FAM91A1: variants seen among roughly 807,000 people sequenced by gnomAD.
FAM91A1 encodes the protein family with sequence similarity 91 member A1.
Under a neutral mutation model 113.5 loss-of-function variants are expected in FAM91A1, and 41 were observed. That is an observed-to-expected ratio of 0.36 (90% CI 0.28 to 0.47). FAM91A1 has a LOEUF of 0.47. Ranked by LOEUF, FAM91A1 falls within the 20% of genes least tolerant of loss-of-function variation. FAM91A1 has a pLI of 1.00. For missense variants in FAM91A1, 696 were observed against 1,001.2 expected (o/e 0.70, Z 4.11); for synonymous variants, 307 against 347.9 (o/e 0.88, Z 1.31).
chr8:123,777,775 A>G (rs1350988910), intron 4 of FAM91A1, among the ~76,000 whole-genome samples: 2 of 152,218 alleles, frequency 1.3e-5, no homozygotes, highest in Non-Finnish European at 2.9e-5. Context: ...TTACATTTTG[A>G]CTTCCTAAAA....
At chr8:123,803,344 C>G (rs1407867951) in intron 18 of FAM91A1, among the ~76,000 whole-genome samples, 1 of 152,000 alleles carries the variant, frequency 6.6e-6, no homozygotes, top group Non-Finnish European at 1.5e-5. Flanking sequence ...CGGTCTCACT[C>G]TGTCACCCAG....
At chr8:123,795,186 G>T (rs1257450299) in intron 15 of FAM91A1, among the ~76,000 whole-genome samples, 1 of 152,122 alleles carries the variant, frequency 6.6e-6, no homozygotes, top group Admixed American at 6.5e-5. Context: ...AAGAGGTTTG[G>T]CTTAAAAAAT....
At position 123,814,186 on chromosome 8, in the gene FAM91A1, T is replaced by TAA. The variant is rs1157698674; in HGVS notation, c.*1483_*1484insAA. The TAA allele has an allele frequency of 6.1e-5, 24 of 391,648 alleles. No homozygotes were observed. Among genetic ancestry groups the TAA allele is most frequent in the Non-Finnish European group, 4.8e-5 (10 of 206,234 alleles). 24.3% of individuals were successfully genotyped at this position (391,648 alleles called of 1,614,324 possible). A position where few individuals can be genotyped will look rare whatever the true frequency, so the allele number is the denominator to read the frequency against. ...TAGAAGGTAGAAACCATGTGTATGT[T>TAA]ATGTTTGTCTATAAAAGAAAAAATA... is the stretch of plus-strand genomic sequence containing the variant. On this transcript the variant is annotated 3_prime_UTR_variant, in exon 24 of 24. Coordinates refer to ENST00000334705, the MANE Select transcript of FAM91A1 (RefSeq NM_144963.4).
intron 13 of FAM91A1, 137 bp from the exon 14 acceptor site, chr8:123,787,527 T>G: frequency 1.0e-6 from 1 of 983,854 alleles, no homozygotes; most frequent in Non-Finnish European, 1.5e-6. Context: ...AAGGTCCTTT[T>G]GTAATTGGAA....
In FAM91A1 at chr8:123,815,157, A is replaced by G. The variant is rs1201029285; in HGVS notation, c.*2453A>G. 3 of 152,608 alleles carry G rather than the reference A, an allele frequency of 2.0e-5. No homozygotes were observed. The highest frequency in any genetic ancestry group is 2.0e-4 in the Admixed American group (3 of 15,266). The allele number at this position is 152,608 out of a possible 1,614,324, so 9.5% of individuals were successfully genotyped here. Reference sequence around the variant, plus strand: ...TCTGATTTCCTTTGTTTCTTTTTTAAATTATGTAATCAGATGATTTTATGT... The same window carrying G: ...TCTGATTTCCTTTGTTTCTTTTTTAGATTATGTAATCAGATGATTTTATGT... On this transcript the variant is annotated 3_prime_UTR_variant, in exon 24 of 24. Transcript: ENST00000334705.
Position 123,790,563 on chromosome 8 carries a change from A to G in FAM91A1, c.1411+818A>G, listed in dbSNP as rs190197906. Among the ~76,000 whole-genome samples, 4 of 152,314 alleles carry G rather than the reference A, an allele frequency of 2.6e-5. No homozygotes were observed. The East Asian group carries it at 7.7e-4, about 29-fold the overall frequency. ...TAATTTTGATTAGTTTCATTTACCTAAAAACTATTTTTTCTGGCCAAGAAC... is the reference window on the plus strand; with the variant it reads ...TAATTTTGATTAGTTTCATTTACCTGAAAACTATTTTTTCTGGCCAAGAAC... On this transcript the variant is annotated intron_variant, in intron 15 of 23. Transcript: ENST00000334705.
chr8:123,782,446 GATATAA>G (rs1815147830), intron 8 of FAM91A1, among the ~76,000 whole-genome samples: 1 of 152,264 alleles, frequency 6.6e-6, no homozygotes, highest in East Asian at 1.9e-4. Flanking sequence ...TATGGTTGGT[GATATAA>G]ATATAAATGG....
intron 1 of FAM91A1, 102 bp from the exon 2 acceptor site, chr8:123,773,978 A>G (rs1467338415): frequency 1.2e-6 from 1 of 807,594 alleles, no homozygotes; most frequent in Non-Finnish European, 2.0e-6. Flanking sequence ...TAGAGATGCC[A>G]GGATAAAAAT....
intron 9 of FAM91A1, 22 bp from the exon 10 acceptor site, chr8:123,785,059 A>C (rs1815219101): frequency 6.4e-7 from 1 of 1,561,424 alleles, no homozygotes; most frequent in African/African-American, 1.4e-5. Flanking sequence ...ATGTAAAAAT[A>C]AATTTTAATT....
intron 15 of FAM91A1, among the ~76,000 whole-genome samples, chr8:123,797,580 AT>A (rs550209593): frequency 4.1e-4 from 63 of 151,990 alleles, no homozygotes; most frequent in African/African-American, 1.2e-3. Flanking sequence ...CTTCCTTATG[AT>A]TTTTTTTCTA....
intron 18 of FAM91A1, among the ~76,000 whole-genome samples, chr8:123,803,509 C>T (rs987973977): frequency 7.2e-5 from 11 of 152,018 alleles, no homozygotes; most frequent in African/African-American, 2.4e-4. Context: ...CACCATGTTG[C>T]CCAGGCTGGT....
chr8:123,781,511 T>C (rs1010936653), intron 8 of FAM91A1, among the ~76,000 whole-genome samples: 4 of 143,886 alleles, frequency 2.8e-5, no homozygotes, highest in Non-Finnish European at 6.0e-5. Flanking sequence ...GGATTCTAGC[T>C]CTATCGCCCA....
intron 23 of FAM91A1, 108 bp downstream of exon 23, chr8:123,810,459 A>G (rs1815924602): frequency 1.0e-6 from 1 of 998,844 alleles, no homozygotes; most frequent in East Asian, 2.4e-5. Flanking sequence ...TGAAATAAAC[A>G]TTAATTTTAT....
rs79104795 is a variant in FAM91A1, at chr8:123,770,202, C to T, written c.72+1428C>T. 4.3e-4 allele frequency among the ~76,000 whole-genome samples: 66 copies of T among 152,328 alleles called. No homozygotes were observed. The East Asian group carries it at 7.3e-3, about 17-fold the overall frequency. On this transcript the variant is annotated intron_variant, in intron 1 of 23. Transcript: ENST00000334705. ...TCTTGACCTCATGATCCGCCCGTCT[C>T]GGCCTTCCAAAGTGCTGGGATTACA...
At chr8:123,791,318 CCTATATTATCTTCTCTTGAACG>C (rs1225871431) in intron 15 of FAM91A1, among the ~76,000 whole-genome samples, 18 of 151,854 alleles carry the variant, frequency 1.2e-4, no homozygotes, top group African/African-American at 4.3e-4. Flanking sequence ...TTGCCCTGTC[CCTATATTATCTTCTCTTGAACG>C]CTAAGCTTTG....
At chr8:123,800,548 T>C (rs1815648520) in intron 18 of FAM91A1, among the ~76,000 whole-genome samples, 1 of 152,148 alleles carries the variant, frequency 6.6e-6, no homozygotes, top group South Asian at 2.1e-4. Flanking sequence ...ATTTAAATTG[T>C]GCAGTTAAGT....
At chr8:123,772,049 G>T (rs534540594) in intron 1 of FAM91A1, among the ~76,000 whole-genome samples, 1 of 152,266 alleles carries the variant, frequency 6.6e-6, no homozygotes, top group South Asian at 2.1e-4. Context: ...GAGATGTGGG[G>T]TAGGAGTAGG....
chr8:123,793,850 A>G (rs1815442998), intron 15 of FAM91A1, among the ~76,000 whole-genome samples: 1 of 152,196 alleles, frequency 6.6e-6, no homozygotes, highest in Non-Finnish European at 1.5e-5. Context: ...GGATATAGCT[A>G]CCTTGCTCTT....
chr8:123,810,396 A>G (rs775861073), intron 23 of FAM91A1, 45 bp downstream of exon 23: 1 of 1,511,376 alleles, frequency 6.6e-7, no homozygotes, highest in Admixed American at 1.7e-5. Context: ...ACTGAGCTTT[A>G]AGTATGCACA....
Sources: gnomAD v4.1 joint callset for allele counts (sites outside exome capture counted in the v4.1 genomes callset) on GRCh38, gnomAD v4.1.1 for gene constraint, MANE v1.5 for transcripts, NCBI Gene and HGNC (gene_info 2026-07-23, HGNC 2026-07-21) for gene names.